Variants in SGCZ observed in about 807,000 individuals in gnomAD.
The protein encoded by SGCZ is zeta-sarcoglycan.
In SGCZ, 40 loss-of-function variants were observed where a neutral mutation model predicts 41.3. That is an observed-to-expected ratio of 0.97 (90% confidence interval 0.75 to 1.26). SGCZ has a LOEUF of 1.26. SGCZ is among the 50% of genes most tolerant of loss of function. The pLI is 0.00. For missense variants in SGCZ, 552 were observed against 369.8 expected (o/e 1.49, Z -4.04); for synonymous variants, 206 against 137.5 (o/e 1.50, Z -3.49).
At chr8:14,132,245 G>A (rs1218808176) in intron 5 of SGCZ, among the ~76,000 whole-genome samples, 1 of 152,006 alleles carries the variant, frequency 6.6e-6, no homozygotes, top group African/African-American at 2.4e-5. Context: ...AGCTTGGCTA[G>A]TATATGTTCT....
chr8:14,321,491 C>A (rs925120709), intron 3 of SGCZ, among the ~76,000 whole-genome samples: 1 of 151,946 alleles, frequency 6.6e-6, no homozygotes, highest in Middle Eastern at 3.2e-3. Flanking sequence ...GTTCAATAGA[C>A]ATCTCTTTAT....
chr8:14,187,151 T>G (rs1050245695), intron 4 of SGCZ, among the ~76,000 whole-genome samples: 1 of 152,120 alleles, frequency 6.6e-6, no homozygotes, highest in African/African-American at 2.4e-5. Flanking sequence ...AGGCAAAGGA[T>G]AAAAACAGAC....
intron 1 of SGCZ, among the ~76,000 whole-genome samples, chr8:14,566,149 A>G (rs985056481): frequency 1.3e-5 from 2 of 152,236 alleles, no homozygotes; most frequent in Admixed American, 1.3e-4. Context: ...TCTAACTAAA[A>G]TAAGTGTTTA....
chr8:14,983,368 ATTTTTATTTT>A (rs578174156), intron 1 of SGCZ, among the ~76,000 whole-genome samples: 92 of 151,050 alleles, frequency 6.1e-4, no homozygotes, highest in African/African-American at 2.2e-3. Context: ...TGGCTAATGT[ATTTTTATTTT>A]TTTTTATTTT....
In SGCZ at chr8:14,198,871, C is replaced by G. The variant is rs1805364147; in HGVS notation, c.425-34169G>C. Among the ~76,000 whole-genome samples, 3 of 152,184 alleles carry G rather than the reference C, an allele frequency of 2.0e-5. No homozygotes were observed. In the South Asian group the frequency reaches 6.2e-4, roughly 31 times the overall value. On this transcript the variant is annotated intron_variant, in intron 4 of 7. Transcript: ENST00000382080. ...AATGGACACTTATCACTTCCCCAATCAATACTCTTGTGATTTCCTATGGCT... is the reference window on the plus strand; with the variant it reads ...AATGGACACTTATCACTTCCCCAATGAATACTCTTGTGATTTCCTATGGCT...
chr8:14,815,757 C>A (rs996103553), intron 1 of SGCZ, among the ~76,000 whole-genome samples: 1 of 152,118 alleles, frequency 6.6e-6, no homozygotes, highest in South Asian at 2.1e-4. Flanking sequence ...CAAATGAGGG[C>A]AATCTATTAT....
intron 1 of SGCZ, among the ~76,000 whole-genome samples, chr8:14,680,974 A>AAAAAAC (rs1554479481): frequency 4.1e-4 from 62 of 151,012 alleles, no homozygotes; most frequent in African/African-American, 1.5e-3. Context: ...GAAAAAAAAA[A>AAAAAAC]AAAAAAACAG....
intron 2 of SGCZ, among the ~76,000 whole-genome samples, chr8:14,517,326 A>C (rs1802651912): frequency 6.6e-6 from 1 of 152,122 alleles, no homozygotes; most frequent in Non-Finnish European, 1.5e-5. Context: ...TGTAGGAGCT[A>C]CATGATCTCT....
In SGCZ at chr8:14,164,587, T is replaced by C; in HGVS notation, c.540A>G (p.Lys180=). ...GACCTCCATCTACAGTACCTGTAAC[T>C]TTCAGCTTTTCAGCCCCAATGGTAA... ...DEITIGAEKL[K]VTGTEGAVFG... Residue 180 remains lysine, a synonymous_variant, in exon 5 of 8, where the codon AAA becomes AAG. Transcript: ENST00000382080. The C allele has an allele frequency of 6.2e-7, 1 of 1,613,392 alleles. No homozygotes were observed. The highest frequency in any genetic ancestry group is 1.1e-5 in the South Asian group (1 of 91,072).
At chr8:14,707,454 T>A (rs983925057) in intron 1 of SGCZ, among the ~76,000 whole-genome samples, 2 of 152,004 alleles carry the variant, frequency 1.3e-5, no homozygotes, top group African/African-American at 4.8e-5. Flanking sequence ...GCAAAACCAG[T>A]CTTCAAATTT....
chr8:15,085,289 T>C lies in SGCZ; in HGVS notation c.39+152296A>G, dbSNP rs561796649. Among the ~76,000 whole-genome samples the C allele has an allele frequency of 3.0e-4, 45 of 152,240 alleles. 1 individual carries two copies. The highest frequency in any genetic ancestry group is 1.1e-3 in the African/African-American group (44 of 41,550). On this transcript the variant is annotated intron_variant, in intron 1 of 7. Coordinates refer to ENST00000382080, the MANE Select transcript of SGCZ (RefSeq NM_139167.4). ...CCATTCGAACTTTCTATTAATCCCCTCAATGCCTAGCACCTTAAATGAGTA... is the reference window on the plus strand; with the variant it reads ...CCATTCGAACTTTCTATTAATCCCCCCAATGCCTAGCACCTTAAATGAGTA...
chr8:15,088,712 T>G (rs1384010952), intron 1 of SGCZ, among the ~76,000 whole-genome samples: 3 of 152,150 alleles, frequency 2.0e-5, no homozygotes, highest in Non-Finnish European at 4.4e-5. Flanking sequence ...ATAAGCCTCT[T>G]TTATTCGTCT....
chr8:14,983,453 C>A (rs958054246), intron 1 of SGCZ, among the ~76,000 whole-genome samples: 1 of 152,064 alleles, frequency 6.6e-6, no homozygotes, highest in Admixed American at 6.6e-5. Context: ...GATCTTGGCT[C>A]ACTGCAAACT....
chr8:14,399,981 G>C (rs1278520070), intron 2 of SGCZ, among the ~76,000 whole-genome samples: 1 of 151,980 alleles, frequency 6.6e-6, no homozygotes, highest in South Asian at 2.1e-4. Flanking sequence ...GTGCTCATTA[G>C]CTATCAGTTC....
At chr8:14,158,352 C>T (rs1247023198) in intron 5 of SGCZ, among the ~76,000 whole-genome samples, 1 of 152,088 alleles carries the variant, frequency 6.6e-6, no homozygotes, top group Admixed American at 6.6e-5. Context: ...GGAAGTTTAT[C>T]CTGGATTAGC....
intron 1 of SGCZ, among the ~76,000 whole-genome samples, chr8:14,557,984 C>G (rs1191815356): frequency 1.3e-5 from 2 of 151,990 alleles, no homozygotes; most frequent in African/African-American, 4.8e-5. Flanking sequence ...AAATGGGAGA[C>G]AATACACCTG....
At position 15,030,757 on chromosome 8, in the gene SGCZ, C is replaced by T. The variant is rs1048376826; in HGVS notation, c.39+206828G>A. On this transcript the variant is annotated intron_variant, in intron 1 of 7. Transcript: ENST00000382080. ...CTCATGATTTCCTGGTTAAGGACTA[C>T]GGCGGAGGTAACCCACAAAACCAGA... Among the ~76,000 whole-genome samples the T allele has an allele frequency of 4.6e-5, 7 of 152,136 alleles. No homozygotes were observed. In the South Asian group the frequency reaches 1.0e-3, roughly 23 times the overall value.
At chr8:14,563,114 G>T (rs75944887) in intron 1 of SGCZ, among the ~76,000 whole-genome samples, 1 of 152,114 alleles carries the variant, frequency 6.6e-6, no homozygotes, top group African/African-American at 2.4e-5. Flanking sequence ...GTCTGGCTCC[G>T]GGACAAGTGG....
At chr8:14,649,733 C>T (rs1170156884) in intron 1 of SGCZ, among the ~76,000 whole-genome samples, 4 of 152,002 alleles carry the variant, frequency 2.6e-5, no homozygotes, top group Non-Finnish European at 4.4e-5. Context: ...TGTCTACCAC[C>T]TGAAACAAAC....
Sources: gnomAD v4.1 joint callset for allele counts (sites outside exome capture counted in the v4.1 genomes callset) on GRCh38, gnomAD v4.1.1 for gene constraint, MANE v1.5 for transcripts, NCBI Gene and HGNC (gene_info 2026-07-23, HGNC 2026-07-21) for gene names.